CPQ: variants seen among roughly 807,000 people sequenced by gnomAD.
The protein encoded by CPQ is Ser-Met dipeptidase.
Under a neutral mutation model 45.7 loss-of-function variants are expected in CPQ, and 37 were observed. That is an observed-to-expected ratio of 0.81 (90% CI 0.62 to 1.07). The LOEUF (loss-of-function observed/expected upper bound fraction) is 1.07, where lower values mean the gene tolerates loss of function less well. Among genes scored for constraint, CPQ ranks in the 50% least tolerant of loss-of-function variants. The probability of loss-of-function intolerance (pLI) is 0.00; values close to 1 mark genes in which losing one functional copy is unlikely to be tolerated. For synonymous variants in CPQ, 186 were observed against 205.8 expected (o/e 0.90, Z 0.82); for missense variants, 537 against 572.9 (o/e 0.94, Z 0.64).
chr8:96,667,003 A>G (rs1433189404), intron 1 of CPQ, among the ~76,000 whole-genome samples: 1 of 151,928 alleles, frequency 6.6e-6, no homozygotes, highest in African/African-American at 2.4e-5. Flanking sequence ...TTCCTTACTC[A>G]TATTAGCTGT....
chr8:96,728,040 C>T (rs937294730), intron 1 of CPQ, among the ~76,000 whole-genome samples: 1 of 152,162 alleles, frequency 6.6e-6, no homozygotes, highest in African/African-American at 2.4e-5. Context: ...ATTGCCTCAC[C>T]TGCCTGTTCC....
chr8:97,028,798 G>T (rs941136800), intron 5 of CPQ, among the ~76,000 whole-genome samples: 1 of 152,174 alleles, frequency 6.6e-6, no homozygotes, highest in African/African-American at 2.4e-5. Flanking sequence ...GTCAATAAAT[G>T]TCATCCTCAT....
At chr8:96,737,267 A>G (rs1809996442) in intron 1 of CPQ, among the ~76,000 whole-genome samples, 1 of 148,588 alleles carries the variant, frequency 6.7e-6, no homozygotes, top group Non-Finnish European at 1.5e-5. Context: ...AAAAAAACTA[A>G]TAGGATATAT....
chr8:96,827,972 T>C (rs1311672755), intron 2 of CPQ, among the ~76,000 whole-genome samples: 1 of 152,136 alleles, frequency 6.6e-6, no homozygotes, highest in East Asian at 1.9e-4. Context: ...AAATGTCTTA[T>C]TAGTTTTGAA....
In CPQ at chr8:96,817,362, C is replaced by T. The variant is rs533833417; in HGVS notation, c.434-17611C>T. Among the ~76,000 whole-genome samples the T allele has an allele frequency of 1.3e-4, 20 of 152,244 alleles. No homozygotes were observed. The South Asian group carries it at 2.3e-3, about 17-fold the overall frequency. The stretch of plus-strand genomic sequence containing the variant: ...ATAGTAAATCAGAACTCACTGCTCA[C>T]AGGTTATCATAACAGATATAGTAAA... On this transcript the variant is annotated intron_variant, in intron 2 of 7. Transcript: ENST00000220763.
chr8:96,949,174 G>A (rs1804341540), intron 4 of CPQ, among the ~76,000 whole-genome samples: 2 of 151,798 alleles, frequency 1.3e-5, no homozygotes, highest in African/African-American at 2.4e-5. Flanking sequence ...TAATATTGCG[G>A]TTTCATTAGT....
At chr8:96,911,190 C>T (rs1812657973) in intron 4 of CPQ, among the ~76,000 whole-genome samples, 1 of 151,556 alleles carries the variant, frequency 6.6e-6, no homozygotes, top group Admixed American at 6.6e-5. Flanking sequence ...AGCAGGTTTG[C>T]ACCGAAAGTA....
In CPQ at chr8:96,737,960, AT is replaced by A. The variant is rs1810013380; in HGVS notation, c.-34-46899del. Reference sequence around the variant, plus strand: ...ATTTTCTATTTTTTAGTATTTTCTAATTTTTATTCTTCTATAGCCCATGAGT... The same window carrying A: ...ATTTTCTATTTTTTAGTATTTTCTAATTTTATTCTTCTATAGCCCATGAGT... On this transcript the variant is annotated intron_variant, in intron 1 of 7. Transcript: ENST00000220763. Among the ~76,000 whole-genome samples, 6 of 151,990 alleles carry A rather than the reference AT, an allele frequency of 3.9e-5. No individual in the cohort carries two copies. The South Asian group carries it at 1.2e-3, about 32-fold the overall frequency.
chr8:96,730,349 C>T (rs1809893483), intron 1 of CPQ, among the ~76,000 whole-genome samples: 1 of 152,104 alleles, frequency 6.6e-6, no homozygotes, highest in South Asian at 2.1e-4. Context: ...AGTGGTCTGA[C>T]ATTTTGAGTT....
At chr8:97,018,686 A>C (rs1809623293) in intron 5 of CPQ, among the ~76,000 whole-genome samples, 1 of 152,206 alleles carries the variant, frequency 6.6e-6, no homozygotes, top group Non-Finnish European at 1.5e-5. Flanking sequence ...AAGACAAAGA[A>C]AAAAGAATAA....
chr8:97,062,505 T>C (rs181437474), intron 6 of CPQ, among the ~76,000 whole-genome samples: 39 of 152,278 alleles, frequency 2.6e-4, no homozygotes, highest in Admixed American at 1.6e-3. Flanking sequence ...CAGGGGTACA[T>C]GTGCAGGTTT....
chr8:96,983,316 A>C (rs1352291822), intron 5 of CPQ, among the ~76,000 whole-genome samples: 1 of 152,316 alleles, frequency 6.6e-6, no homozygotes, highest in South Asian at 2.1e-4. Flanking sequence ...AAGGCCATGC[A>C]TTACCCTCTA....
chr8:96,945,699 T>C (rs1405912649), intron 4 of CPQ, among the ~76,000 whole-genome samples: 1 of 152,180 alleles, frequency 6.6e-6, no homozygotes, highest in Non-Finnish European at 1.5e-5. Context: ...ATAATCTGTT[T>C]AATGATATGA....
chr8:96,767,635 CTTTT>C (rs1172189500), intron 1 of CPQ, among the ~76,000 whole-genome samples: 1 of 39,276 alleles, frequency 2.5e-5, no homozygotes, highest in African/African-American at 1.1e-4. Context: ...GTTACCTATG[CTTTT>C]TTTTTTTTTT....
In CPQ at chr8:97,143,314, T is replaced by G. The variant is rs1812199028; in HGVS notation, c.*131T>G. The stretch of plus-strand genomic sequence containing the variant: ...GCACAACTCTATTTCATGCTTTCTG[T>G]TATTATCTTTCTTGATACTTTCCAA... On this transcript the variant is annotated 3_prime_UTR_variant, in exon 8 of 8. Transcript: ENST00000220763. 5 of 845,800 alleles carry G rather than the reference T, an allele frequency of 5.9e-6. No homozygotes were observed. Among genetic ancestry groups the G allele is most frequent in the Non-Finnish European group, 9.0e-6 (5 of 556,158 alleles). 52.4% of individuals were successfully genotyped at this position (845,800 alleles called of 1,614,324 possible).
chr8:96,771,396 A>G (rs1810542269), intron 1 of CPQ, among the ~76,000 whole-genome samples: 1 of 151,908 alleles, frequency 6.6e-6, no homozygotes, highest in Admixed American at 6.6e-5. Flanking sequence ...CTTTCTAAGG[A>G]TTGCAAACCC....
intron 4 of CPQ, among the ~76,000 whole-genome samples, chr8:96,931,657 A>G (rs1812977072): frequency 6.6e-6 from 1 of 152,140 alleles, no homozygotes; most frequent in South Asian, 2.1e-4. Flanking sequence ...ACCTGCAGCC[A>G]TCCTGTGGCT....
intron 2 of CPQ, among the ~76,000 whole-genome samples, chr8:96,805,196 A>G (rs1415452156): frequency 2.0e-5 from 3 of 152,254 alleles, no homozygotes; most frequent in Non-Finnish European, 4.4e-5. Flanking sequence ...AGAAAAGCAC[A>G]ATTAGGAAAA....
intron 6 of CPQ, among the ~76,000 whole-genome samples, chr8:97,049,376 C>T (rs180711224): frequency 1.2e-3 from 187 of 152,302 alleles, no homozygotes; most frequent in Non-Finnish European, 1.5e-3. Context: ...CTGCCAGCTG[C>T]GACAGTCTGG....
Sources: gnomAD v4.1 joint callset for allele counts (sites outside exome capture counted in the v4.1 genomes callset) on GRCh38, gnomAD v4.1.1 for gene constraint, MANE v1.5 for transcripts, NCBI Gene and HGNC (gene_info 2026-07-23, HGNC 2026-07-21) for gene names.